The following NELL1 variants were observed in gnomAD, a reference collection of about 807,000 sequenced individuals.
NELL1 encodes neural EGFL like 1, also known as protein kinase C-binding protein NELL1.
A neutral mutation model predicts 107.4 loss-of-function variants in NELL1; 76 were observed. The observed-to-expected ratio is 0.71, with a 90% CI of 0.59 to 0.86. The LOEUF is 0.86. Ranked by LOEUF, NELL1 falls within the 40% of genes least tolerant of loss-of-function variation. The pLI is 0.00. For missense variants in NELL1, 1,024 were observed against 1,005.5 expected (o/e 1.02, Z -0.25); for synonymous variants, 353 against 341.2 (o/e 1.03, Z -0.38).
At chr11:21,501,316 A>G (rs1590984223) in intron 15 of NELL1, among the ~76,000 whole-genome samples, 1 of 152,164 alleles carries the variant, frequency 6.6e-6, no homozygotes, top group South Asian at 2.1e-4. Flanking sequence ...CTGAAAAGCA[A>G]TTGAAGATGT....
At position 20,877,845 on chromosome 11, in the gene NELL1, G is replaced by A. The variant is rs148203358; in HGVS notation, c.507-7599G>A. The stretch of plus-strand genomic sequence containing the variant: ...ATGCAAAATTCCTATAATTCTCCCC[G>A]TACAGCTTAATAGGTAGCACCTTGT... On this transcript the variant is annotated intron_variant, in intron 4 of 19. Coordinates refer to ENST00000357134, the MANE Select transcript of NELL1 (RefSeq NM_006157.5). 1.1e-4 allele frequency among the ~76,000 whole-genome samples: 16 copies of A among 152,184 alleles called. 1 individual carries two copies. In the East Asian group the frequency reaches 1.9e-3, roughly 18 times the overall value.
At chr11:21,091,496 C>T (rs895437403) in intron 12 of NELL1, among the ~76,000 whole-genome samples, 2 of 152,196 alleles carry the variant, frequency 1.3e-5, no homozygotes, top group African/African-American at 4.8e-5. Flanking sequence ...GCATTTTCAA[C>T]TAACAGACTA....
At chr11:20,818,619 A>G (rs548570756) in intron 3 of NELL1, among the ~76,000 whole-genome samples, 2 of 152,214 alleles carry the variant, frequency 1.3e-5, no homozygotes, top group African/African-American at 2.4e-5. Flanking sequence ...CTTTAGTATT[A>G]CTTCATGGTA....
At chr11:21,407,779 G>A (rs11026072) in intron 15 of NELL1, among the ~76,000 whole-genome samples, 45,669 of 148,448 alleles carry the variant, frequency 0.31, 7,184 homozygotes, top group Admixed American at 0.4. Context: ...TTATTTCTTC[G>A]AATAGTCCTC....
At chr11:20,822,960 C>T (rs988886906) in intron 3 of NELL1, among the ~76,000 whole-genome samples, 1 of 152,160 alleles carries the variant, frequency 6.6e-6, no homozygotes, top group Non-Finnish European at 1.5e-5. Flanking sequence ...TCTGGTGGTA[C>T]ACCTAAGAGC....
chr11:20,862,791 G>T (rs1389366564), intron 4 of NELL1, among the ~76,000 whole-genome samples: 1 of 151,934 alleles, frequency 6.6e-6, no homozygotes, highest in African/African-American at 2.4e-5. Context: ...TTGAGATTAG[G>T]GAGTGGCGAT....
chr11:21,365,918 A>C (rs1945403), intron 14 of NELL1, among the ~76,000 whole-genome samples: 101,591 of 151,882 alleles, frequency 0.67, 34,446 homozygotes, highest in African/African-American at 0.78. Flanking sequence ...ATTTCTCAAC[A>C]TCACCACTAT....
rs80010017 is a variant in NELL1, at chr11:21,020,409, C to T, written c.1300+59849C>T. On this transcript the variant is annotated intron_variant, in intron 12 of 19. Coordinates refer to ENST00000357134, the MANE Select transcript of NELL1 (RefSeq NM_006157.5). ...GTAAATTTGTTACTATATAGTCCAA[C>T]GAGTGTAATAGAACCGTATATGCTC... Among the ~76,000 whole-genome samples, 639 of 152,080 alleles carry T rather than the reference C, an allele frequency of 4.2e-3. 2 individuals are homozygous for T. Among genetic ancestry groups the T allele is most frequent in the African/African-American group, 0.014 (583 of 41,500 alleles).
At chr11:20,952,528 A>G (rs543997621) in intron 11 of NELL1, among the ~76,000 whole-genome samples, 1 of 152,340 alleles carries the variant, frequency 6.6e-6, no homozygotes, top group South Asian at 2.1e-4. Context: ...GACCTGAGAA[A>G]AAGGCACTTA....
intron 14 of NELL1, among the ~76,000 whole-genome samples, chr11:21,306,681 C>T (rs1849612008): frequency 6.6e-6 from 1 of 152,032 alleles, no homozygotes; most frequent in South Asian, 2.1e-4. Flanking sequence ...CTCATTCCCT[C>T]ATTTATCATA....
At chr11:20,946,677 T>G (rs951944811) in intron 10 of NELL1, among the ~76,000 whole-genome samples, 1 of 152,198 alleles carries the variant, frequency 6.6e-6, no homozygotes, top group African/African-American at 2.4e-5. Context: ...AGCTGGTGTC[T>G]TCATAATTTC....
At chr11:21,454,227 T>C (rs1853664559) in intron 15 of NELL1, among the ~76,000 whole-genome samples, 2 of 149,662 alleles carry the variant, frequency 1.3e-5, no homozygotes, top group Admixed American at 1.3e-4. Flanking sequence ...TGATTTCCAA[T>C]TTCATCCATG....
intron 12 of NELL1, among the ~76,000 whole-genome samples, chr11:20,979,850 T>C (rs1180613585): frequency 1.3e-5 from 2 of 152,190 alleles, no homozygotes; most frequent in Non-Finnish European, 2.9e-5. Flanking sequence ...CCTGTAGTTG[T>C]GTGTGCTCCA....
intron 13 of NELL1, among the ~76,000 whole-genome samples, chr11:21,114,602 A>C (rs553384461): frequency 6.6e-6 from 1 of 152,016 alleles, no homozygotes; most frequent in Admixed American, 6.6e-5. Flanking sequence ...AAGTTGCAAA[A>C]GTTAAGGGCA....
intron 14 of NELL1, among the ~76,000 whole-genome samples, chr11:21,295,103 G>T (rs1439691888): frequency 6.6e-6 from 1 of 152,024 alleles, no homozygotes; most frequent in Non-Finnish European, 1.5e-5. Flanking sequence ...GTCAGGTATG[G>T]TTGTAATTGG....
intron 15 of NELL1, among the ~76,000 whole-genome samples, chr11:21,472,202 G>C (rs770923369): frequency 1.6e-4 from 25 of 151,906 alleles, no homozygotes; most frequent in Non-Finnish European, 3.4e-4. Flanking sequence ...CTACCCAGCT[G>C]TGGCTCACTG....
chr11:20,868,618 G>A (rs1389466550), intron 4 of NELL1, among the ~76,000 whole-genome samples: 1 of 151,920 alleles, frequency 6.6e-6, no homozygotes, highest in Non-Finnish European at 1.5e-5. Context: ...TGGGTGAATT[G>A]TACATGAATT....
intron 3 of NELL1, among the ~76,000 whole-genome samples, chr11:20,827,365 G>T (rs921616772): frequency 6.6e-6 from 1 of 151,274 alleles, no homozygotes; most frequent in Non-Finnish European, 1.5e-5. Flanking sequence ...GATTTTCAAG[G>T]CTTATAATTA....
At chr11:20,844,965 A>G (rs1317382665) in intron 3 of NELL1, among the ~76,000 whole-genome samples, 1 of 152,212 alleles carries the variant, frequency 6.6e-6, no homozygotes, top group Non-Finnish European at 1.5e-5. Context: ...GTTGCCTCAC[A>G]TCTTTATTTG....
Sources: gnomAD v4.1 joint callset for allele counts (sites outside exome capture counted in the v4.1 genomes callset) on GRCh38, gnomAD v4.1.1 for gene constraint, MANE v1.5 for transcripts, NCBI Gene and HGNC (gene_info 2026-07-23, HGNC 2026-07-21) for gene names.